Variants in MACROD2 observed in about 807,000 individuals in gnomAD.
The protein encoded by MACROD2 is mono-ADP ribosylhydrolase 2, also known as ADP-ribose glycohydrolase MACROD2.
MACROD2 carries 36 observed loss-of-function variants against 70.4 expected under a neutral mutation model. The ratio of observed to expected loss-of-function variants is 0.51; its 90% CI spans 0.39 to 0.68. MACROD2 has a LOEUF of 0.68. MACROD2 is among the 30% of genes least tolerant of loss of function. The pLI, the probability that MACROD2 is intolerant of heterozygous loss-of-function variation, is 0.00. For missense variants in MACROD2, 496 were observed against 538.4 expected, an observed-to-expected ratio of 0.92 and a Z score of 0.78; for synonymous variants, 172 against 178.8, an observed-to-expected ratio of 0.96 and a Z score of 0.30.
chr20:15,265,237 G>C (rs920383132), intron 6 of MACROD2, among the ~76,000 whole-genome samples: 20 of 152,168 alleles, frequency 1.3e-4, no homozygotes, highest in Middle Eastern at 3.2e-3. Flanking sequence ...TGGTCTGCCA[G>C]TCCTAAAGAG....
intron 3 of MACROD2, among the ~76,000 whole-genome samples, chr20:14,239,965 G>T (rs560696679): frequency 1.3e-5 from 2 of 152,200 alleles, no homozygotes; most frequent in East Asian, 1.9e-4. Context: ...AATCTATAAA[G>T]AACTTAAACA....
rs1390499591 is a variant in MACROD2, at chr20:15,460,964, ATC to A, written c.571+29540_571+29541del. Among the ~76,000 whole-genome samples, 38 of 125,016 alleles carry A rather than the reference ATC, an allele frequency of 3.0e-4. 1 individual carries two copies. Among genetic ancestry groups the A allele is most frequent in the Admixed American group, 7.7e-4 (9 of 11,706 alleles). 82.0% of individuals were successfully genotyped at this position (125,016 alleles called of 152,430 possible). On this transcript the variant is annotated intron_variant, in intron 7 of 17. Transcript: ENST00000684519. ...CATTATAAATAGCTTCCCTTTAATT[ATC>A]TCTCTCTCTCCATATATATATATAT... is the stretch of plus-strand genomic sequence containing the variant.
intron 4 of MACROD2, among the ~76,000 whole-genome samples, chr20:14,530,967 G>C (rs1285407924): frequency 6.6e-6 from 1 of 152,122 alleles, no homozygotes; most frequent in Admixed American, 6.6e-5. Context: ...ACACTCAATT[G>C]GCCAAGCATT....
At chr20:15,525,500 A>C (rs1348191960) in intron 8 of MACROD2, among the ~76,000 whole-genome samples, 1 of 152,238 alleles carries the variant, frequency 6.6e-6, no homozygotes, top group Non-Finnish European at 1.5e-5. Context: ...TTGGCTTATA[A>C]CGTGCCATGG....
chr20:14,065,296 G>T (rs111686628), intron 2 of MACROD2, among the ~76,000 whole-genome samples: 3 of 152,074 alleles, frequency 2.0e-5, no homozygotes, highest in African/African-American at 4.8e-5. Context: ...AGTCTCTCTC[G>T]CAATTTCTTT....
At chr20:14,230,686 T>TATATATATATAAAAACACAGGCTGGGCCC (rs2081800944) in intron 3 of MACROD2, among the ~76,000 whole-genome samples, 1 of 120,946 alleles carries the variant, frequency 8.3e-6, no homozygotes, top group African/African-American at 3.4e-5. Context: ...TATATATATA[T>TATATATATATAAAAACACAGGCTGGGCCC]ATATATATAT....
chr20:15,600,074 C>T (rs1018918861), intron 8 of MACROD2, among the ~76,000 whole-genome samples: 3 of 152,114 alleles, frequency 2.0e-5, no homozygotes, highest in Admixed American at 6.5e-5. Context: ...TGCACCTTCC[C>T]CTCACCTAGA....
At chr20:15,198,706 T>C (rs13043320) in intron 5 of MACROD2, among the ~76,000 whole-genome samples, 98 of 152,282 alleles carry the variant, frequency 6.4e-4, no homozygotes, top group Non-Finnish European at 1.2e-3. Flanking sequence ...TTTTCCCAAT[T>C]TCTCTTTTGT....
intron 5 of MACROD2, among the ~76,000 whole-genome samples, chr20:14,723,693 AT>A (rs1264083389): frequency 6.6e-6 from 1 of 151,614 alleles, no homozygotes; most frequent in African/African-American, 2.4e-5. Context: ...TTGGTGGTAC[AT>A]TTTTATAATT....
At chr20:15,391,441 G>A (rs1004655278) in intron 6 of MACROD2, among the ~76,000 whole-genome samples, 1 of 152,218 alleles carries the variant, frequency 6.6e-6, no homozygotes, top group Non-Finnish European at 1.5e-5. Context: ...CAGGTGCTTG[G>A]AGCTGTGTAG....
intron 6 of MACROD2, among the ~76,000 whole-genome samples, chr20:15,305,805 C>A (rs2077692408): frequency 6.6e-6 from 1 of 152,080 alleles, no homozygotes; most frequent in Non-Finnish European, 1.5e-5. Flanking sequence ...AAAATTTGAA[C>A]CCTTTCCACT....
chr20:14,825,621 T>C (rs887759231), intron 5 of MACROD2, among the ~76,000 whole-genome samples: 1 of 152,142 alleles, frequency 6.6e-6, no homozygotes, highest in African/African-American at 2.4e-5. Flanking sequence ...TTAGAATTCC[T>C]CTTTAAAGTG....
At chr20:15,604,428 C>G (rs1052107236) in intron 8 of MACROD2, among the ~76,000 whole-genome samples, 1 of 152,230 alleles carries the variant, frequency 6.6e-6, no homozygotes, top group Non-Finnish European at 1.5e-5. Context: ...GGAGCCTGAA[C>G]AGCTTTATTT....
At chr20:15,896,374 G>T (rs1468237077) in intron 10 of MACROD2, among the ~76,000 whole-genome samples, 1 of 152,100 alleles carries the variant, frequency 6.6e-6, no homozygotes, top group Non-Finnish European at 1.5e-5. Context: ...AACTCACCTA[G>T]ATTTTCCAGC....
intron 3 of MACROD2, among the ~76,000 whole-genome samples, chr20:14,336,719 C>T (rs1238368605): frequency 6.6e-6 from 1 of 152,206 alleles, no homozygotes; most frequent in East Asian, 1.9e-4. Flanking sequence ...TCACATACTT[C>T]ACTTGCCTAA....
intron 5 of MACROD2, among the ~76,000 whole-genome samples, chr20:15,082,268 C>T (rs1036902240): frequency 2.0e-5 from 3 of 152,122 alleles, no homozygotes; most frequent in African/African-American, 7.2e-5. Flanking sequence ...GTCTGAATCT[C>T]CCCCTCAATA....
chr20:14,004,635 G>A (rs1219732491), intron 2 of MACROD2, among the ~76,000 whole-genome samples: 1 of 151,886 alleles, frequency 6.6e-6, no homozygotes, highest in Non-Finnish European at 1.5e-5. Context: ...TTAGTCAAGA[G>A]AGTTTTAGTG....
chr20:14,062,646 T>A (rs2053703938), intron 2 of MACROD2, among the ~76,000 whole-genome samples: 1 of 152,148 alleles, frequency 6.6e-6, no homozygotes, highest in Non-Finnish European at 1.5e-5. Context: ...TTAATTTATT[T>A]TACTGTTTAA....
intron 8 of MACROD2, among the ~76,000 whole-genome samples, chr20:15,698,892 G>A (rs2050414442): frequency 6.6e-6 from 1 of 152,060 alleles, no homozygotes; most frequent in African/African-American, 2.4e-5. Flanking sequence ...AGAGCATTTT[G>A]CATTTCTAAA....
Sources: gnomAD v4.1 joint callset for allele counts (sites outside exome capture counted in the v4.1 genomes callset) on GRCh38, gnomAD v4.1.1 for gene constraint, MANE v1.5 for transcripts, NCBI Gene and HGNC (gene_info 2026-07-23, HGNC 2026-07-21) for gene names.